The following PIP5KL1 variants were observed in gnomAD, a reference collection of about 807,000 sequenced individuals.
The protein encoded by PIP5KL1 is phosphatidylinositol 4-phosphate 5-kinase-like protein 1.
A neutral mutation model predicts 47.6 loss-of-function variants in PIP5KL1; 45 were observed. The observed-to-expected ratio is 0.94, with a 90% CI of 0.74 to 1.21. PIP5KL1 has a LOEUF of 1.21. PIP5KL1 is among the 50% of genes most tolerant of loss of function. The probability of loss-of-function intolerance (pLI) is 0.00; values close to 1 mark genes in which losing one functional copy is unlikely to be tolerated. For missense variants in PIP5KL1, 577 were observed against 547.6 expected, an observed-to-expected ratio of 1.05 and a Z score of -0.54; for synonymous variants, 256 against 234.6, an observed-to-expected ratio of 1.09 and a Z score of -0.84.
Position 127,930,730 on chromosome 9 carries a change from G to A in PIP5KL1, c.23C>T (p.Pro8Leu), listed in dbSNP as rs1831423338. MAAPSPG[P>L]REVLAPSPEA... ...TCTCGGGTCCGCACCTACCTCGCGG[G>A]GCCCCGGGCTCGGCGCAGCCATCGC... is the stretch of plus-strand genomic sequence containing the variant. The change falls in exon 1 of 10, where the codon CCC (proline) becomes CTC (leucine). Residue 8 changes from proline (P) to leucine (L), a missense_variant. Coordinates refer to ENST00000388747, the MANE Select transcript of PIP5KL1 (RefSeq NM_001135219.2). 1 of 1,569,130 alleles carries A rather than the reference G, an allele frequency of 6.4e-7. No individual in the cohort carries two copies. The highest frequency in any genetic ancestry group is 1.4e-5 in the African/African-American group (1 of 71,762).
chr9:127,921,819 A>G lies in PIP5KL1; in HGVS notation c.*28T>C. 1 of 1,557,154 alleles carries G rather than the reference A, an allele frequency of 6.4e-7. No homozygotes were observed. The highest frequency in any genetic ancestry group is 8.6e-7 in the Non-Finnish European group (1 of 1,156,488). ...CGTTCCTGGCGTGAGCCCATCGTCC[A>G]GATCCGGAGAGTGGGGCCGGGCGCC... is the stretch of plus-strand genomic sequence containing the variant. On this transcript the variant is annotated 3_prime_UTR_variant, in exon 10 of 10. Transcript: ENST00000388747.
chr9:127,927,351 CG>C lies in PIP5KL1; in HGVS notation c.560-21del. The C allele has an allele frequency of 6.2e-7, 1 of 1,600,612 alleles. No homozygotes were observed. Among genetic ancestry groups the C allele is most frequent in the South Asian group, 1.1e-5 (1 of 89,412 alleles). On this transcript the variant is annotated intron_variant, in intron 5 of 9. Coordinates refer to ENST00000388747, the MANE Select transcript of PIP5KL1 (RefSeq NM_001135219.2). The surrounding 1 kb of genome is among the most constrained non-coding windows in gnomAD (Gnocchi z 5.5). ...GCACTCCTGGAAGGGGAGAGGGCGC[CG>C]GATGAGGATCCCCAAACTCCACAAC...
intron 9 of PIP5KL1, among the ~76,000 whole-genome samples, chr9:127,922,712 G>A (rs58785904): frequency 0.043 from 3,321 of 77,286 alleles, 126 homozygotes; most frequent in East Asian, 0.12. Context: ...AAAAAAAAAA[G>A]AAAAAAGAAA....
intron 2 of PIP5KL1, 21 bp from the exon 3 acceptor site, chr9:127,928,504 G>T: frequency 6.4e-7 from 1 of 1,573,308 alleles, no homozygotes; most frequent in Non-Finnish European, 8.6e-7. Flanking sequence ...AGGTAGAGGA[G>T]CTCAGGGCAA....
chr9:127,929,895 G>A lies in PIP5KL1; in HGVS notation c.31-10C>T, dbSNP rs1257481549. ...GGGAGGGGGCCAGGACCTGGTGGGA[G>A]GAGGCACAGGACACAGCCTGTGGCA... is the stretch of plus-strand genomic sequence containing the variant. On this transcript the variant is annotated splice_polypyrimidine_tract_variant and intron_variant, in intron 1 of 9. Transcript: ENST00000388747. The surrounding 1 kb of genome is among the most constrained non-coding windows in gnomAD (Gnocchi z 4.0). 6.6e-7 allele frequency: 1 copy of A among 1,518,340 alleles called. No homozygotes were observed. Among genetic ancestry groups the A allele is most frequent in the Non-Finnish European group, 8.8e-7 (1 of 1,131,506 alleles). 94.1% of individuals were successfully genotyped at this position (1,518,340 alleles called of 1,614,324 possible).
Position 127,921,634 on chromosome 9 carries a change from A to G in PIP5KL1, c.*213T>C. On this transcript the variant is annotated 3_prime_UTR_variant, in exon 10 of 10. Coordinates refer to ENST00000388747, the MANE Select transcript of PIP5KL1 (RefSeq NM_001135219.2). ...AAAAAGAGAATAATAGCATTTTTTG[A>G]GGATTAAATGAGCTAAAGTAGGGGA... The G allele has an allele frequency of 3.2e-6, 2 of 630,546 alleles. No individual in the cohort carries two copies. Among genetic ancestry groups the G allele is most frequent in the South Asian group, 2.2e-5 (1 of 45,802 alleles). 39.1% of individuals were successfully genotyped at this position (630,546 alleles called of 1,614,324 possible).
Position 127,927,985 on chromosome 9 carries a change from C to A in PIP5KL1, c.434+80G>T. ...CCGCTCTGTTTCTCTCTTCAGGGGG[C>A]CTTCCCCGCCACTGGGAATTCTGCC... On this transcript the variant is annotated intron_variant, in intron 4 of 9. Coordinates refer to ENST00000388747, the MANE Select transcript of PIP5KL1 (RefSeq NM_001135219.2). This position sits in a 1 kb window ranked among gnomAD's most constrained non-coding sequence, Gnocchi z 5.5. 6.9e-7 allele frequency: 1 copy of A among 1,456,996 alleles called. No individual in the cohort carries two copies. The highest frequency in any genetic ancestry group is 9.1e-7 in the Non-Finnish European group (1 of 1,097,884). 90.3% of individuals were successfully genotyped at this position (1,456,996 alleles called of 1,614,324 possible).
Position 127,927,602 on chromosome 9 carries a change from A to T in PIP5KL1, c.559+46T>A. Reference sequence around the variant, plus strand: ...ATACCCCGCCCTCCCCAGGTATATGATGACCTAGGACCCGCCCCCACCGAG... The same window carrying T: ...ATACCCCGCCCTCCCCAGGTATATGTTGACCTAGGACCCGCCCCCACCGAG... On this transcript the variant is annotated intron_variant, in intron 5 of 9. Coordinates refer to ENST00000388747, the MANE Select transcript of PIP5KL1 (RefSeq NM_001135219.2). The surrounding 1 kb of genome is among the most constrained non-coding windows in gnomAD (Gnocchi z 5.5). 14 of 1,096,846 alleles carry T rather than the reference A, an allele frequency of 1.3e-5. No individual in the cohort carries two copies. The highest frequency in any genetic ancestry group is 1.7e-5 in the Non-Finnish European group (14 of 817,156). The allele number at this position is 1,096,846 out of a possible 1,614,324, so 67.9% of individuals were successfully genotyped here.
In PIP5KL1 at chr9:127,925,221, T is replaced by A. The variant is rs1337359355; in HGVS notation, c.803A>T (p.Asp268Val). The change falls in exon 9 of 10, where the codon GAT becomes GTT. Residue 268 changes from aspartate (D) to valine (V), a missense_variant. Physicochemically the swap from Asp to Val is radical, Grantham distance 152 (BLOSUM62 -3). Coordinates refer to ENST00000388747, the MANE Select transcript of PIP5KL1 (RefSeq NM_001135219.2). ...RSWFLRQMEL[D>V]TTFLRELNVL... ...GTTGAGCTCCCGGAGGAAGGTGGTA[T>A]CCAGTTCCATCTGGCGGAGGAACCA... 1 of 1,613,894 alleles carries A rather than the reference T, an allele frequency of 6.2e-7. No individual in the cohort carries two copies. Among genetic ancestry groups the A allele is most frequent in the Non-Finnish European group, 8.5e-7 (1 of 1,180,044 alleles).
At position 127,921,652 on chromosome 9, in the gene PIP5KL1, G is replaced by A. The variant is rs967714315; in HGVS notation, c.*195C>T. ...TTTTTTGAGGATTAAATGAGCTAAA[G>A]TAGGGGAGTCCTTGGCACGATGCTG... On this transcript the variant is annotated 3_prime_UTR_variant, in exon 10 of 10. Transcript: ENST00000388747. 60 of 711,218 alleles carry A rather than the reference G, an allele frequency of 8.4e-5. No individual in the cohort carries two copies. Among genetic ancestry groups the A allele is most frequent in the African/African-American group, 3.4e-4 (19 of 55,878 alleles). The allele number at this position is 711,218 out of a possible 1,614,324, so 44.1% of individuals were successfully genotyped here. A position where few individuals can be genotyped will look rare whatever the true frequency, so the allele number is the denominator to read the frequency against.
intron 9 of PIP5KL1, among the ~76,000 whole-genome samples, chr9:127,924,097 G>A (rs753590526): frequency 5.3e-5 from 8 of 152,184 alleles, no homozygotes; most frequent in Non-Finnish European, 7.3e-5. Flanking sequence ...GGCTGGGCGC[G>A]GTGGCTCACG....
Position 127,927,322 on chromosome 9 carries a change from C to G in PIP5KL1, c.569G>C (p.Ser190Thr). 1.2e-6 allele frequency: 2 copies of G among 1,609,664 alleles called. No homozygotes were observed. The highest frequency in any genetic ancestry group is 1.7e-6 in the Non-Finnish European group (2 of 1,179,018). ...SLLARLLGVH[S>T]LRVDRGKKTY... ...CTTCTTTCCCCGGTCCACCCGCAGA[C>G]TGTGCACTCCTGGAAGGGGAGAGGG... Residue 190 changes from serine to threonine, a missense_variant, in exon 6 of 10, where the codon AGT (serine) becomes ACT (threonine). Physicochemically the swap from Ser to Thr is moderately conservative, Grantham distance 58. Coordinates refer to ENST00000388747, the MANE Select transcript of PIP5KL1 (RefSeq NM_001135219.2). The surrounding 1 kb of genome is among the most constrained non-coding windows in gnomAD (Gnocchi z 5.5).
intron 7 of PIP5KL1, among the ~76,000 whole-genome samples, chr9:127,926,903 A>G (rs1377338095): frequency 1.3e-5 from 2 of 152,170 alleles, no homozygotes; most frequent in African/African-American, 2.4e-5. Flanking sequence ...TCTAGGAAGG[A>G]GGATAAGAGC....
chr9:127,924,641 G>C (rs1307107542), intron 9 of PIP5KL1, among the ~76,000 whole-genome samples: 2 of 148,028 alleles, frequency 1.4e-5, no homozygotes, highest in Non-Finnish European at 3.0e-5. Flanking sequence ...GGGTGACAGG[G>C]CGAAACTCCA....
At chr9:127,926,043 C>T in intron 7 of PIP5KL1, 64 bp from the exon 8 acceptor site, 2 of 1,131,252 alleles carry the variant, frequency 1.8e-6, no homozygotes, top group Admixed American at 2.0e-5. Flanking sequence ...CTCACAAGAG[C>T]TTCCAGTGAC....
rs368045497 is a variant in PIP5KL1 at position 127,929,677 on chromosome 9, G to A, written c.228+11C>T. The stretch of plus-strand genomic sequence containing the variant: ...TGGTGTGGAGATTCGTGGGACAGAT[G>A]GGCCACTCACCGTGGGTGGGTGGTC... On this transcript the variant is annotated intron_variant, in intron 2 of 9. Coordinates refer to ENST00000388747, the MANE Select transcript of PIP5KL1 (RefSeq NM_001135219.2). This position sits in a 1 kb window ranked among gnomAD's most constrained non-coding sequence, Gnocchi z 4.0. The A allele has an allele frequency of 1.3e-6, 2 of 1,545,292 alleles. No homozygotes were observed. Among genetic ancestry groups the A allele is most frequent in the African/African-American group, 1.4e-5 (1 of 73,274 alleles).
At position 127,921,935 on chromosome 9, in the gene PIP5KL1, AGT is replaced by A; in HGVS notation, c.1095_1096del (p.Leu366AlafsTer72). ...GGAGAAGGTCCGGCCTGGGTAGCGC[AGT>A]GTCTTCCACAGGTGCTCCAGCCGCT... On this transcript the variant is annotated frameshift_variant, in exon 10 of 10. Transcript: ENST00000388747. LOFTEE classifies it high-confidence loss of function. 1 of 1,577,500 alleles carries A rather than the reference AGT, an allele frequency of 6.3e-7. No individual in the cohort carries two copies. The highest frequency in any genetic ancestry group is 8.6e-7 in the Non-Finnish European group (1 of 1,163,304).
In PIP5KL1 at chr9:127,929,829, C is replaced by G. The variant is rs1282139266; in HGVS notation, c.87G>C (p.Gly29=). ...GCTTGTCTCGGAGGCGCCAGAGAAGCCCCCGCCGGCTGGAGGTGACTGCTC... is the reference window on the plus strand; with the variant it reads ...GCTTGTCTCGGAGGCGCCAGAGAAGGCCCCGCCGGCTGGAGGTGACTGCTC... ...GCRAVTSSRR[G]LLWRLRDKQS... The change falls in exon 2 of 10, where the codon GGG becomes GGC. Residue 29 remains glycine (G), a synonymous_variant. Transcript: ENST00000388747. The surrounding 1 kb of genome is among the most constrained non-coding windows in gnomAD (Gnocchi z 4.0). The G allele has an allele frequency of 3.9e-6, 6 of 1,547,760 alleles. No individual in the cohort carries two copies. The highest frequency in any genetic ancestry group is 3.5e-6 in the Non-Finnish European group (4 of 1,146,812).
At position 127,927,597 on chromosome 9, in the gene PIP5KL1, A is replaced by G. The variant is rs1270752790; in HGVS notation, c.559+51T>C. On this transcript the variant is annotated intron_variant, in intron 5 of 9. Coordinates refer to ENST00000388747, the MANE Select transcript of PIP5KL1 (RefSeq NM_001135219.2). This position sits in a 1 kb window ranked among gnomAD's most constrained non-coding sequence, Gnocchi z 5.5. Reference sequence around the variant, plus strand: ...CCCACATACCCCGCCCTCCCCAGGTATATGATGACCTAGGACCCGCCCCCA... The same window carrying G: ...CCCACATACCCCGCCCTCCCCAGGTGTATGATGACCTAGGACCCGCCCCCA... 5.7e-6 allele frequency: 7 copies of G among 1,221,040 alleles called. No individual in the cohort carries two copies. Among genetic ancestry groups the G allele is most frequent in the Non-Finnish European group, 6.6e-6 (6 of 915,468 alleles). 75.6% of individuals were successfully genotyped at this position (1,221,040 alleles called of 1,614,324 possible).
Sources: allele counts gnomAD v4.1 joint callset (sites outside exome capture counted in the v4.1 genomes callset), GRCh38; gene constraint gnomAD v4.1.1; non-coding constraint Gnocchi (gnomAD v3.1); transcripts MANE v1.5; gene names NCBI Gene and HGNC (gene_info 2026-07-23, HGNC 2026-07-21).